Variants in FIP1L1 observed in about 807,000 individuals in gnomAD.
FIP1L1 encodes the protein factor interacting with PAPOLA and CPSF1, also known as pre-mRNA 3'-end-processing factor FIP1.
In FIP1L1, 21 loss-of-function variants were observed where a neutral mutation model predicts 84.6. The ratio of observed to expected loss-of-function variants is 0.25; its 90% CI spans 0.18 to 0.36. FIP1L1 has a LOEUF of 0.36. FIP1L1 is among the 10% of genes least tolerant of loss of function. The probability of loss-of-function intolerance (pLI) is 1.00; values close to 1 mark genes in which losing one functional copy is unlikely to be tolerated. For missense variants in FIP1L1, 526 were observed against 751.1 expected (o/e 0.70, Z 3.50); for synonymous variants, 263 against 242.3 (o/e 1.09, Z -0.80).
At chr4:53,401,628 G>A (rs1421069781) in intron 10 of FIP1L1, among the ~76,000 whole-genome samples, 1 of 152,188 alleles carries the variant, frequency 6.6e-6, no homozygotes, top group East Asian at 1.9e-4. Flanking sequence ...GTAGATTGTA[G>A]AGGAAAAAGC....
intron 11 of FIP1L1, among the ~76,000 whole-genome samples, chr4:53,416,572 A>T (rs1759600326): frequency 6.6e-6 from 1 of 152,248 alleles, no homozygotes; most frequent in African/African-American, 2.4e-5. Context: ...CCAAATTCAC[A>T]GCTAGTTAAG....
chr4:53,458,012 CT>C (rs1183002038), intron 16 of FIP1L1, among the ~76,000 whole-genome samples: 1 of 152,112 alleles, frequency 6.6e-6, no homozygotes, highest in Non-Finnish European at 1.5e-5. Flanking sequence ...TGTAGCCCCC[CT>C]GCCCACACAG....
chr4:53,426,907 C>G (rs1764570799), intron 12 of FIP1L1, among the ~76,000 whole-genome samples: 1 of 151,966 alleles, frequency 6.6e-6, no homozygotes, highest in African/African-American at 2.4e-5. Context: ...ACTGAGACTT[C>G]CAGCTATTCA....
intron 10 of FIP1L1, among the ~76,000 whole-genome samples, chr4:53,409,566 C>T (rs1755920606): frequency 6.6e-6 from 1 of 152,216 alleles, no homozygotes; most frequent in South Asian, 2.1e-4. Context: ...TTACTTCTGT[C>T]TTTTTGTCTG....
chr4:53,456,894 A>G (rs1228456908), intron 16 of FIP1L1, among the ~76,000 whole-genome samples: 1 of 152,126 alleles, frequency 6.6e-6, no homozygotes, highest in Non-Finnish European at 1.5e-5. Flanking sequence ...AAGAGGAAAA[A>G]GAGTTAACAA....
intron 9 of FIP1L1, among the ~76,000 whole-genome samples, chr4:53,399,484 T>C (rs952180147): frequency 5.9e-5 from 9 of 152,228 alleles, no homozygotes; most frequent in African/African-American, 2.2e-4. Flanking sequence ...ATTAACAGTT[T>C]ATTCGGCTTC....
chr4:53,437,738 T>G (rs1241126269), intron 13 of FIP1L1, among the ~76,000 whole-genome samples: 2 of 151,946 alleles, frequency 1.3e-5, no homozygotes, highest in Admixed American at 6.6e-5. Flanking sequence ...TTTATTTTAT[T>G]TTTTTGAGAT....
intron 15 of FIP1L1, among the ~76,000 whole-genome samples, chr4:53,446,663 T>A (rs1774323141): frequency 6.6e-6 from 1 of 152,206 alleles, no homozygotes; most frequent in Admixed American, 6.6e-5. Flanking sequence ...AAAGTTTGAT[T>A]GTTTTACTAT....
chr4:53,408,090 C>T (rs10025794), intron 10 of FIP1L1, among the ~76,000 whole-genome samples: 19,783 of 152,138 alleles, frequency 0.13, 2,567 homozygotes, highest in African/African-American at 0.32. Context: ...TTCCTATCCT[C>T]GATGGTTTTT....
chr4:53,428,405 A>G (rs535109202), intron 13 of FIP1L1, among the ~76,000 whole-genome samples: 58 of 152,324 alleles, frequency 3.8e-4, no homozygotes, highest in African/African-American at 1.4e-3. Flanking sequence ...ACAGATACCA[A>G]TCTTGTGATT....
At chr4:53,414,243 CA>C (rs1280776953) in intron 10 of FIP1L1, among the ~76,000 whole-genome samples, 4 of 151,812 alleles carry the variant, frequency 2.6e-5, no homozygotes, top group Non-Finnish European at 5.9e-5. Flanking sequence ...AAAGAAATAC[CA>C]AAATTTTTAG....
intron 13 of FIP1L1, among the ~76,000 whole-genome samples, chr4:53,437,667 T>A (rs1770012836): frequency 6.6e-6 from 1 of 151,914 alleles, no homozygotes. Flanking sequence ...TAAGAGACTC[T>A]CCAGGTGATT....
intron 5 of FIP1L1, among the ~76,000 whole-genome samples, chr4:53,388,448 C>T (rs1382265485): frequency 6.6e-6 from 1 of 152,088 alleles, no homozygotes; most frequent in East Asian, 1.9e-4. Flanking sequence ...CATTCTCATG[C>T]CTCAGCCTCC....
At chr4:53,381,750 A>ATT in intron 3 of FIP1L1, among the ~76,000 whole-genome samples, 1 of 63,070 alleles carries the variant, frequency 1.6e-5, no homozygotes, top group Non-Finnish European at 3.0e-5. Flanking sequence ...AGGCATTTGC[A>ATT]TTCTTTTTTT....
chr4:53,419,310 A>G (rs1330652715), intron 11 of FIP1L1, among the ~76,000 whole-genome samples: 1 of 152,222 alleles, frequency 6.6e-6, no homozygotes, highest in Non-Finnish European at 1.5e-5. Context: ...AATTAGTATG[A>G]TAAACACTGT....
chr4:53,447,032 AAGTT>A (rs1315748124), intron 15 of FIP1L1, among the ~76,000 whole-genome samples: 1 of 152,088 alleles, frequency 6.6e-6, no homozygotes. Flanking sequence ...AAATAGAAGA[AAGTT>A]AGAAGTTTCC....
Position 53,444,080 on chromosome 4 carries a change from C to A in FIP1L1, c.1262C>A (p.Ala421Glu). The stretch of plus-strand genomic sequence containing the variant: ...TCCTCTGGTTATGATAGTCGTTCTG[C>A]ACGTGCATTTCCATATGGCAATGGT... ...GHSSGYDSRS[A>E]RAFPYGNVAF... Residue 421 changes from alanine to glutamate, a missense_variant, in exon 15 of 18, where the codon GCA becomes GAA. Around this residue, in one of 6 missense-constraint regions of FIP1L1, gnomAD observed 83 missense variants for 93.8 expected, o/e 0.88. Transcript: ENST00000337488. The A allele has an allele frequency of 6.2e-7, 1 of 1,607,038 alleles. No individual in the cohort carries two copies. The highest frequency in any genetic ancestry group is 8.5e-7 in the Non-Finnish European group (1 of 1,173,952).
chr4:53,457,942 C>G (rs1346674981), intron 16 of FIP1L1, among the ~76,000 whole-genome samples: 1 of 152,038 alleles, frequency 6.6e-6, no homozygotes, highest in Non-Finnish European at 1.5e-5. Context: ...CTGTGTAATT[C>G]AATCCAAAAT....
chr4:53,437,383 T>C (rs201407167), intron 13 of FIP1L1, among the ~76,000 whole-genome samples: 2 of 142,156 alleles, frequency 1.4e-5, no homozygotes, highest in East Asian at 4.5e-4. Flanking sequence ...CTTTTGAGAA[T>C]GCCAGATGGT....
Sources: gnomAD v4.1 joint callset for allele counts (sites outside exome capture counted in the v4.1 genomes callset) on GRCh38, gnomAD v4.1.1 for gene constraint, gnomAD v4.1.1 regional missense constraint, MANE v1.5 for transcripts, NCBI Gene and HGNC (gene_info 2026-07-23, HGNC 2026-07-21) for gene names.